HEPHL1: variants seen among roughly 807,000 people sequenced by gnomAD.
The protein encoded by HEPHL1 is hephaestin like 1.
A neutral mutation model predicts 122.0 loss-of-function variants in HEPHL1; 123 were observed. That is an observed-to-expected ratio of 1.01 (90% CI 0.87 to 1.17). The LOEUF (loss-of-function observed/expected upper bound fraction) is 1.17. HEPHL1 is among the 50% of genes most tolerant of loss of function. HEPHL1 has a pLI of 0.00. For missense variants in HEPHL1, 1,452 were observed against 1,430.5 expected, an observed-to-expected ratio of 1.01 and a Z score of -0.24; for synonymous variants, 527 against 508.9, an observed-to-expected ratio of 1.04 and a Z score of -0.48.
Position 94,051,654 on chromosome 11 carries a change from T to C in HEPHL1, c.415+5737T>C, listed in dbSNP as rs137928048. On this transcript the variant is annotated intron_variant, in intron 2 of 19. Coordinates refer to ENST00000315765, the MANE Select transcript of HEPHL1 (RefSeq NM_001098672.2). The stretch of plus-strand genomic sequence containing the variant: ...AGTGTTTTAACTTAATGTGATCCCA[T>C]TTGTCCACTTGTGCCTTGGTTGCCT... Among the ~76,000 whole-genome samples, 1,323 of 152,252 alleles carry C rather than the reference T, an allele frequency of 8.7e-3. 20 individuals are homozygous for C. The highest frequency in any genetic ancestry group is 0.03 in the African/African-American group (1,263 of 41,532).
chr11:94,058,199 C>T (rs1044646579), intron 2 of HEPHL1, among the ~76,000 whole-genome samples: 3 of 152,126 alleles, frequency 2.0e-5, no homozygotes, highest in Admixed American at 1.3e-4. Context: ...TAGAATCCTA[C>T]TCCTCTTAGC....
chr11:94,053,897 A>G (rs1005936719), intron 2 of HEPHL1, among the ~76,000 whole-genome samples: 12 of 152,222 alleles, frequency 7.9e-5, no homozygotes, highest in African/African-American at 2.2e-4. Context: ...AGAATCATCC[A>G]TGTGCTCTGT....
At chr11:94,052,365 AT>A (rs1945898139) in intron 2 of HEPHL1, among the ~76,000 whole-genome samples, 1 of 151,792 alleles carries the variant, frequency 6.6e-6, no homozygotes, top group Non-Finnish European at 1.5e-5. Context: ...TAGGTATTTA[AT>A]TTTATTTGTA....
At position 94,045,709 on chromosome 11, in the gene HEPHL1, G is replaced by C. The variant is rs758594442; in HGVS notation, c.207G>C (p.Arg69Ser). The change falls in exon 2 of 20, where the codon AGG (arginine) becomes AGC (serine). Residue 69 changes from arginine to serine, a missense_variant. Arg to Ser is a moderately radical substitution (Grantham distance 110). Transcript: ENST00000315765. ...ATLFLERGPN[R>S]IGSIYKKAVY... ...TATTTCTCGAAAGAGGGCCCAACAG[G>C]ATAGGCAGTATTTACAAAAAGGCTG... 33 of 1,612,232 alleles carry C rather than the reference G, an allele frequency of 2.0e-5. No homozygotes were observed. Among genetic ancestry groups the C allele is most frequent in the Non-Finnish European group, 2.7e-5 (32 of 1,178,972 alleles).
chr11:94,087,861 TAGACAAC>T (rs1396153758), intron 11 of HEPHL1, among the ~76,000 whole-genome samples: 2 of 152,188 alleles, frequency 1.3e-5, no homozygotes, highest in Admixed American at 1.3e-4. Context: ...AGGCGATGTT[TAGACAAC>T]AGAGTTACAT....
chr11:94,021,648 C>A, intron 1 of HEPHL1, 110 bp downstream of exon 1: 1 of 832,458 alleles, frequency 1.2e-6, no homozygotes. Flanking sequence ...TTGATCTAGA[C>A]CAAGAGAAGG....
intron 2 of HEPHL1, among the ~76,000 whole-genome samples, chr11:94,051,790 C>A (rs1044217714): frequency 6.6e-6 from 1 of 151,934 alleles, no homozygotes; most frequent in South Asian, 2.1e-4. Flanking sequence ...GTTTTTAATC[C>A]ATTTTGATTT....
At chr11:94,055,605 A>T in intron 2 of HEPHL1, 1 of 341,674 alleles carries the variant, frequency 2.9e-6, no homozygotes, top group Non-Finnish European at 5.8e-6. Context: ...AGGATCTCTT[A>T]GTGATGTACA....
In HEPHL1 at chr11:94,111,795, A is replaced by G. The variant is rs755904318; in HGVS notation, c.3381A>G (p.Leu1127=). 6.3e-7 allele frequency: 1 copy of G among 1,582,078 alleles called. No homozygotes were observed. Among genetic ancestry groups the G allele is most frequent in the South Asian group, 1.2e-5 (1 of 83,970 alleles). The part of the protein sequence containing the change: ...VILFIIGLLL[L]ITTVILSLRL... ...TTTTCATCATTGGACTCCTCCTTCT[A>G]ATCACCACGGTGATTCTCTCCCTCA... The change falls in exon 20 of 20, where the codon CTA becomes CTG. Residue 1127 remains leucine (L), a synonymous_variant. Coordinates refer to ENST00000315765, the MANE Select transcript of HEPHL1 (RefSeq NM_001098672.2).
At chr11:94,033,271 A>G (rs1945692132) in intron 1 of HEPHL1, among the ~76,000 whole-genome samples, 1 of 152,116 alleles carries the variant, frequency 6.6e-6, no homozygotes, top group Non-Finnish European at 1.5e-5. Context: ...GCAGGGATTG[A>G]GGTTGCTGCA....
chr11:94,080,695 CAACTT>C (rs1343935386), intron 9 of HEPHL1, among the ~76,000 whole-genome samples: 3 of 152,288 alleles, frequency 2.0e-5, no homozygotes, highest in East Asian at 1.9e-4. Flanking sequence ...AAAAGAAGCT[CAACTT>C]AACTGATCAT....
In HEPHL1 at chr11:94,112,609, A is replaced by G. The variant is rs1400601164; in HGVS notation, c.*715A>G. 1 of 152,234 alleles carries G rather than the reference A, an allele frequency of 6.6e-6. No homozygotes were observed. Among genetic ancestry groups the G allele is most frequent in the African/African-American group, 2.4e-5 (1 of 41,464 alleles). 9.4% of individuals were successfully genotyped at this position (152,234 alleles called of 1,614,324 possible). On this transcript the variant is annotated 3_prime_UTR_variant, in exon 20 of 20. Transcript: ENST00000315765. Reference sequence around the variant, plus strand: ...TCACTTCATGTTACATGTTTTTACAATATGTTTCTGTGGCAATGTTTGTAC... The same window carrying G: ...TCACTTCATGTTACATGTTTTTACAGTATGTTTCTGTGGCAATGTTTGTAC...
chr11:94,091,423 A>G (rs1002441644), intron 12 of HEPHL1, among the ~76,000 whole-genome samples: 2 of 152,230 alleles, frequency 1.3e-5, no homozygotes, highest in African/African-American at 2.4e-5. Context: ...ACTGGTCACT[A>G]CCACATGTAA....
In HEPHL1 at chr11:94,086,208, T is replaced by C; in HGVS notation, c.2080+19T>C. 6.3e-7 allele frequency: 1 copy of C among 1,579,190 alleles called. No individual in the cohort carries two copies. Among genetic ancestry groups the C allele is most frequent in the Non-Finnish European group, 8.6e-7 (1 of 1,158,060 alleles). On this transcript the variant is annotated intron_variant, in intron 11 of 19. Coordinates refer to ENST00000315765, the MANE Select transcript of HEPHL1 (RefSeq NM_001098672.2). Reference sequence around the variant, plus strand: ...CATGCAGGTAAACTTGCTGGGTCCATCTCAGGTGACCAGATTTCTACCTTC... The same window carrying C: ...CATGCAGGTAAACTTGCTGGGTCCACCTCAGGTGACCAGATTTCTACCTTC...
At chr11:94,032,625 C>G (rs1945685454) in intron 1 of HEPHL1, among the ~76,000 whole-genome samples, 1 of 152,120 alleles carries the variant, frequency 6.6e-6, no homozygotes, top group Admixed American at 6.6e-5. Flanking sequence ...GCTAGTCAGG[C>G]ATGAGCAGGG....
Position 94,094,013 on chromosome 11 carries a change from TAA to T in HEPHL1, c.2434+376_2434+377del, listed in dbSNP as rs1357060385. 4.5e-4 allele frequency among the ~76,000 whole-genome samples: 55 copies of T among 121,700 alleles called. 2 individuals carry two copies. The highest frequency in any genetic ancestry group is 2.0e-3 in the African/African-American group (54 of 26,492). The allele number at this position is 121,700 out of a possible 152,430, so 79.8% of individuals were successfully genotyped here. A position where few individuals can be genotyped will look rare whatever the true frequency, so the allele number is the denominator to read the frequency against. ...ATATATATATATATATATATATATA[TAA>T]AACTTTAAGTTCTAGGGTACATGTG... is the stretch of plus-strand genomic sequence containing the variant. On this transcript the variant is annotated intron_variant, in intron 13 of 19. Coordinates refer to ENST00000315765, the MANE Select transcript of HEPHL1 (RefSeq NM_001098672.2).
chr11:94,087,380 C>T (rs1326269660), intron 11 of HEPHL1, among the ~76,000 whole-genome samples: 1 of 152,132 alleles, frequency 6.6e-6, no homozygotes, highest in Non-Finnish European at 1.5e-5. Context: ...TTCTAAAGAG[C>T]TTCACAACAG....
chr11:94,064,425 C>G lies in HEPHL1; in HGVS notation c.723C>G (p.Leu241=). ...TLVDENQSWY[L]NENIKHFCTN... The stretch of plus-strand genomic sequence containing the variant: ...TGGATGAGAATCAAAGCTGGTACCT[C>G]AATGAAAATATCAAACATTTCTGCA... The change falls in exon 4 of 20, where the codon CTC becomes CTG. Residue 241 remains leucine (L), a synonymous_variant. Transcript: ENST00000315765. 2 of 1,612,218 alleles carry G rather than the reference C, an allele frequency of 1.2e-6. No individual in the cohort carries two copies. The highest frequency in any genetic ancestry group is 1.7e-6 in the Non-Finnish European group (2 of 1,178,378).
At chr11:94,056,809 A>G (rs1945942020) in intron 2 of HEPHL1, among the ~76,000 whole-genome samples, 2 of 152,174 alleles carry the variant, frequency 1.3e-5, no homozygotes, top group South Asian at 4.1e-4. Flanking sequence ...AAATATATTT[A>G]TAGAACCTTT....
Sources: gnomAD v4.1 joint callset for allele counts (sites outside exome capture counted in the v4.1 genomes callset) on GRCh38, gnomAD v4.1.1 for gene constraint, MANE v1.5 for transcripts, NCBI Gene and HGNC (gene_info 2026-07-23, HGNC 2026-07-21) for gene names.